DMD: variants seen among roughly 807,000 people sequenced by gnomAD.
DMD encodes the protein mutant dystrophin.
A neutral mutation model predicts 330.1 loss-of-function variants in DMD; 63 were observed. The ratio of observed to expected loss-of-function variants is 0.19; its 90% CI spans 0.16 to 0.24. The LOEUF (loss-of-function observed/expected upper bound fraction) is 0.24. DMD is among the 10% of genes least tolerant of loss of function. The probability of loss-of-function intolerance (pLI) is 1.00; values close to 1 mark genes in which losing one functional copy is unlikely to be tolerated. For synonymous variants in DMD, 1,223 were observed against 959.8 expected (o/e 1.27, Z -5.07); for missense variants, 3,344 against 2,684.1 (o/e 1.25, Z -5.43).
At chrX:33,332,433 A>G (rs2054193664) in intron 1 of DMD, among the ~76,000 whole-genome samples, 1 of 111,902 alleles carries the variant, frequency 8.9e-6, no homozygotes, top group South Asian at 3.6e-4. Context: ...AGACATGTGC[A>G]GATATAACAT....
intron 30 of DMD, among the ~76,000 whole-genome samples, chrX:32,397,672 CA>C (rs962580897): frequency 1.2e-4 from 13 of 111,024 alleles, no homozygotes; most frequent in African/African-American, 3.3e-4. Context: ...ATTATAGAAC[CA>C]AAAAATCATT....
At chrX:32,812,520 C>G (rs939744074) in intron 6 of DMD, among the ~76,000 whole-genome samples, 2 of 111,731 alleles carry the variant, frequency 1.8e-5, no homozygotes, top group Non-Finnish European at 3.8e-5. Context: ...ATAGTCCCAG[C>G]TACTCAGGAG....
chrX:31,193,681 T>C (rs1050796715), intron 67 of DMD, among the ~76,000 whole-genome samples: 2 of 112,117 alleles, frequency 1.8e-5, no homozygotes, highest in South Asian at 3.8e-4. Flanking sequence ...AAGTATCTTG[T>C]AGACACCACC....
chrX:32,500,461 G>A (rs930348956), intron 19 of DMD, among the ~76,000 whole-genome samples: 2 of 111,503 alleles, frequency 1.8e-5, no homozygotes, highest in Admixed American at 9.6e-5. Context: ...AATTATTTCT[G>A]ATTAATTCAG....
chrX:31,954,772 C>T (rs2095225772), intron 45 of DMD, among the ~76,000 whole-genome samples: 1 of 110,306 alleles, frequency 9.1e-6, no homozygotes, highest in Non-Finnish European at 1.9e-5. Context: ...GGAAAAATAA[C>T]ATAAATTTAC....
chrX:31,877,986 T>C (rs2093995409), intron 47 of DMD, among the ~76,000 whole-genome samples: 1 of 111,829 alleles, frequency 8.9e-6, no homozygotes, highest in South Asian at 3.7e-4. Flanking sequence ...CCTTTTTATC[T>C]GATCATGAAA....
At chrX:31,456,530 G>A (rs2066174578) in intron 59 of DMD, among the ~76,000 whole-genome samples, 1 of 112,101 alleles carries the variant, frequency 8.9e-6, no homozygotes, top group African/African-American at 3.2e-5. Flanking sequence ...AGCATAGTGT[G>A]GGGAAGAAAG....
chrX:33,067,831 C>T (rs1266659506), intron 1 of DMD, among the ~76,000 whole-genome samples: 1 of 111,318 alleles, frequency 9.0e-6, no homozygotes, highest in Non-Finnish European at 1.9e-5. Context: ...GGCGACAGAG[C>T]CAGACTCTGT....
intron 11 of DMD, among the ~76,000 whole-genome samples, chrX:32,627,070 T>C (rs2058390187): frequency 9.7e-6 from 1 of 102,856 alleles, no homozygotes; most frequent in Admixed American, 1.0e-4. Context: ...GGAGCCCAGG[T>C]ATTGGTTCTG....
chrX:33,057,162 T>C (rs1456097140), intron 1 of DMD, among the ~76,000 whole-genome samples: 1 of 111,755 alleles, frequency 8.9e-6, no homozygotes, highest in Admixed American at 9.6e-5. Context: ...ATAGAACAAA[T>C]GCCAGATAAT....
At chrX:32,246,913 T>C (rs1361319784) in intron 43 of DMD, among the ~76,000 whole-genome samples, 1 of 110,834 alleles carries the variant, frequency 9.0e-6, no homozygotes, top group Non-Finnish European at 1.9e-5. Flanking sequence ...AGAATTGGTT[T>C]TCCACGTACT....
At chrX:32,768,312 T>C (rs763560054) in intron 7 of DMD, among the ~76,000 whole-genome samples, 1 of 111,906 alleles carries the variant, frequency 8.9e-6, no homozygotes. Flanking sequence ...CTGGATGTGT[T>C]TCTTGGAGAT....
chrX:31,811,719 G>A (rs1028195905), intron 50 of DMD, among the ~76,000 whole-genome samples: 1 of 111,515 alleles, frequency 9.0e-6, no homozygotes, highest in Non-Finnish European at 1.9e-5. Context: ...TAGCCATGTC[G>A]TAAGTGTTTT....
chrX:32,349,340 C>A (rs985881756), intron 37 of DMD, among the ~76,000 whole-genome samples: 1 of 111,294 alleles, frequency 9.0e-6, no homozygotes, highest in African/African-American at 3.3e-5. Flanking sequence ...TACATTGATA[C>A]TCTCTCAATC....
chrX:31,653,412 T>C (rs1194176776), intron 54 of DMD, among the ~76,000 whole-genome samples: 2 of 111,161 alleles, frequency 1.8e-5, no homozygotes, highest in Non-Finnish European at 3.8e-5. Flanking sequence ...GAATCTTTCT[T>C]AGAACCTAGA....
chrX:31,856,426 G>A (rs1038670209), intron 48 of DMD, among the ~76,000 whole-genome samples: 7 of 111,531 alleles, frequency 6.3e-5, no homozygotes, highest in East Asian at 2.8e-4. Context: ...TTAATCTAAC[G>A]GGCACATTGA....
At chrX:31,872,906 G>A (rs2093914627) in intron 48 of DMD, among the ~76,000 whole-genome samples, 1 of 110,935 alleles carries the variant, frequency 9.0e-6, no homozygotes. Flanking sequence ...AGTACAATAT[G>A]TACTAGCTAA....
In DMD at chrX:32,670,626, A is replaced by G. The variant is rs1385603290; in HGVS notation, c.961-25474T>C. Among the ~76,000 whole-genome samples the G allele has an allele frequency of 5.3e-5, 6 of 112,187 alleles. No homozygotes were observed. The East Asian group carries it at 1.7e-3, about 31-fold the overall frequency. On this transcript the variant is annotated intron_variant, in intron 9 of 78. Transcript: ENST00000357033. ...AATTATCATAAAACAGTCAACAGTG[A>G]TAACATGTATATGTGACGATTTTTG...
chrX:31,578,437 A>T (rs1198219713), intron 55 of DMD, among the ~76,000 whole-genome samples: 1 of 111,913 alleles, frequency 8.9e-6, no homozygotes, highest in African/African-American at 3.3e-5. Context: ...TAGAGAACAG[A>T]TGTAAGAAAA....
Sources: allele counts gnomAD v4.1 joint callset (sites outside exome capture counted in the v4.1 genomes callset), GRCh38; gene constraint gnomAD v4.1.1; transcripts MANE v1.5; gene names NCBI Gene and HGNC (gene_info 2026-07-23, HGNC 2026-07-21).